Variants in PHKB observed in about 807,000 individuals in gnomAD.
PHKB encodes the protein phosphorylase kinase regulatory subunit beta.
Under a neutral mutation model 152.1 loss-of-function variants are expected in PHKB, and 122 were observed. The observed-to-expected ratio is 0.80, with a 90% CI of 0.69 to 0.93. PHKB has a LOEUF of 0.93. Ranked by LOEUF, PHKB falls within the 40% of genes least tolerant of loss-of-function variation. The pLI is 0.00. For synonymous variants in PHKB, 436 were observed against 464.9 expected, an observed-to-expected ratio of 0.94 and a Z score of 0.80; for missense variants, 1,304 against 1,328.4, an observed-to-expected ratio of 0.98 and a Z score of 0.29.
At position 47,689,167 on chromosome 16, in the gene PHKB, G is replaced by C. The variant is rs1313048258; in HGVS notation, c.2757G>C (p.Gln919His). Residue 919 changes from glutamine (Q) to histidine (H), a missense_variant, in exon 27 of 31, where the codon CAG (glutamine) becomes CAC (histidine). Transcript: ENST00000323584. ...TGCTGGATATTCTGCAGCCTCAACAGAATGGAAGGTAATAAGGGCCCCTTG... is the reference window on the plus strand; with the variant it reads ...TGCTGGATATTCTGCAGCCTCAACACAATGGAAGGTAATAAGGGCCCCTTG... ...QLLLDILQPQ[Q>H]NGRCWLNRRQ... The C allele has an allele frequency of 6.2e-7, 1 of 1,613,914 alleles. No individual in the cohort carries two copies. The highest frequency in any genetic ancestry group is 1.1e-5 in the South Asian group (1 of 91,056).
chr16:47,673,882 A>G (rs1021791715), intron 26 of PHKB, among the ~76,000 whole-genome samples: 2 of 152,194 alleles, frequency 1.3e-5, no homozygotes, highest in Non-Finnish European at 2.9e-5. Flanking sequence ...AGAAATTGAG[A>G]TTTGGAGAGT....
intron 6 of PHKB, among the ~76,000 whole-genome samples, chr16:47,517,477 G>C (rs773608624): frequency 9.9e-5 from 15 of 151,882 alleles, no homozygotes; most frequent in Non-Finnish European, 1.6e-4. Flanking sequence ...GGCTGTTCTC[G>C]ATCTCCTGGG....
intron 4 of PHKB, 135 bp from the exon 5 acceptor site, chr16:47,511,530 G>T: frequency 3.0e-6 from 2 of 677,464 alleles, no homozygotes; most frequent in Non-Finnish European, 5.3e-6. Context: ...TTGAGAAAAG[G>T]TAACGTTTCT....
In PHKB at chr16:47,616,516, A is replaced by C. The variant is rs535315916; in HGVS notation, c.1458+5596A>C. ...TTTTATATATTTATATGTAAATATAAATATATATTTATAATATATAAATAT... is the reference window on the plus strand; with the variant it reads ...TTTTATATATTTATATGTAAATATACATATATATTTATAATATATAAATAT... On this transcript the variant is annotated intron_variant, in intron 14 of 30. Coordinates refer to ENST00000323584, the MANE Select transcript of PHKB (RefSeq NM_000293.3). Among the ~76,000 whole-genome samples, 324 of 146,186 alleles carry C rather than the reference A, an allele frequency of 2.2e-3. 2 individuals carry two copies. The highest frequency in any genetic ancestry group is 4.1e-3 in the Non-Finnish European group (270 of 66,510).
In PHKB at chr16:47,582,281, A is replaced by G. The variant is rs149595460; in HGVS notation, c.774+1923A>G. 1.8e-3 allele frequency among the ~76,000 whole-genome samples: 272 copies of G among 152,270 alleles called. 1 individual carries two copies. Among genetic ancestry groups the G allele is most frequent in the Middle Eastern group, 6.8e-3 (2 of 294 alleles). ...ACCTGAGTCTTAGTGTATGTTGCTT[A>G]CATACCTGTATGCACCCCTTCCTAT... On this transcript the variant is annotated intron_variant, in intron 8 of 30. Coordinates refer to ENST00000323584, the MANE Select transcript of PHKB (RefSeq NM_000293.3).
intron 1 of PHKB, among the ~76,000 whole-genome samples, chr16:47,483,864 A>G (rs1027979060): frequency 6.6e-6 from 1 of 152,224 alleles, no homozygotes; most frequent in African/African-American, 2.4e-5. Flanking sequence ...TTTTGTTAGT[A>G]AATACTTATT....
chr16:47,547,303 C>CAAACT (rs1481749549), intron 6 of PHKB, 130 bp from the exon 7 acceptor site: 2 of 670,002 alleles, frequency 3.0e-6, no homozygotes, highest in Non-Finnish European at 5.4e-6. Flanking sequence ...ATGCTGGTCT[C>CAAACT]AAACTCCCAA....
Position 47,689,130 on chromosome 16 carries a change from T to G in PHKB, c.2720T>G (p.Val907Gly). The G allele has an allele frequency of 3.1e-6, 5 of 1,614,056 alleles. No individual in the cohort carries two copies. Among genetic ancestry groups the G allele is most frequent in the Non-Finnish European group, 4.2e-6 (5 of 1,179,952 alleles). Residue 907 changes from valine to glycine, a missense_variant, in exon 27 of 31, where the codon GTT (valine) becomes GGT (glycine). Val to Gly is a moderately radical substitution (Grantham distance 109, BLOSUM62 -3). Transcript: ENST00000323584. Reference sequence around the variant, plus strand: ...TTGTATCAGCTGTCACCTAGTGAAGTTAAACAGCTTCTGCTGGATATTCTG... The same window carrying G: ...TTGTATCAGCTGTCACCTAGTGAAGGTAAACAGCTTCTGCTGGATATTCTG... ...LDLYQLSPSEVKQLLLDILQP... is the reference protein window; with the variant it reads ...LDLYQLSPSEGKQLLLDILQP...
intron 6 of PHKB, among the ~76,000 whole-genome samples, chr16:47,516,094 A>AT (rs1430286876): frequency 3.3e-5 from 5 of 151,942 alleles, no homozygotes; most frequent in African/African-American, 9.7e-5. Context: ...CGCCTGGCTA[A>AT]TTTTTTGTAT....
At chr16:47,481,158 A>G (rs565048617) in intron 1 of PHKB, among the ~76,000 whole-genome samples, 1 of 152,064 alleles carries the variant, frequency 6.6e-6, no homozygotes, top group African/African-American at 2.4e-5. Context: ...AACTAGCTTT[A>G]GTTAGGCATG....
intron 14 of PHKB, among the ~76,000 whole-genome samples, chr16:47,630,188 A>G (rs1972801058): frequency 6.6e-6 from 1 of 152,136 alleles, no homozygotes; most frequent in Non-Finnish European, 1.5e-5. Context: ...AAAAAGAACT[A>G]AAGAATTATA....
intron 15 of PHKB, 102 bp downstream of exon 15, chr16:47,641,192 C>T: frequency 1.1e-6 from 1 of 872,072 alleles, no homozygotes; most frequent in Non-Finnish European, 1.9e-6. Flanking sequence ...AAGAGATTAA[C>T]TTCAGAAACT....
At chr16:47,606,556 T>C (rs577427098) in intron 13 of PHKB, among the ~76,000 whole-genome samples, 3 of 152,332 alleles carry the variant, frequency 2.0e-5, no homozygotes, top group Admixed American at 6.5e-5. Context: ...ATTTTTGTTT[T>C]TGTTTTTGTT....
chr16:47,543,266 GTTTT>G, intron 6 of PHKB, among the ~76,000 whole-genome samples: 2 of 152,130 alleles, frequency 1.3e-5, no homozygotes, highest in Non-Finnish European at 2.9e-5. Flanking sequence ...TAATGGTGTG[GTTTT>G]TGTCTTTGGT....
intron 6 of PHKB, among the ~76,000 whole-genome samples, chr16:47,541,268 T>C (rs1436315934): frequency 6.6e-6 from 1 of 152,146 alleles, no homozygotes; most frequent in Non-Finnish European, 1.5e-5. Context: ...GTCCTTGCAA[T>C]AGTTTGCTGA....
chr16:47,571,195 C>T (rs1188688843), intron 7 of PHKB, among the ~76,000 whole-genome samples: 2 of 152,108 alleles, frequency 1.3e-5, no homozygotes, highest in Non-Finnish European at 2.9e-5. Flanking sequence ...TCTTGTTCCC[C>T]AGTAGTGTGT....
At chr16:47,526,181 G>A (rs778888411) in intron 6 of PHKB, among the ~76,000 whole-genome samples, 21 of 152,080 alleles carry the variant, frequency 1.4e-4, no homozygotes, top group Non-Finnish European at 2.5e-4. Context: ...AGGCCAAGGC[G>A]GATGGATATC....
At chr16:47,660,915 G>A in intron 22 of PHKB, 96 bp downstream of exon 22, 1 of 1,254,962 alleles carries the variant, frequency 8.0e-7, no homozygotes, top group Non-Finnish European at 1.2e-6. Context: ...TGTCAGTGAA[G>A]GTAGCAATTA....
At chr16:47,569,167 C>T (rs1316933059) in intron 7 of PHKB, among the ~76,000 whole-genome samples, 2 of 152,168 alleles carry the variant, frequency 1.3e-5, no homozygotes, top group Non-Finnish European at 2.9e-5. Context: ...CTTCTTAGGT[C>T]TAGCAGAATT....
Sources: allele counts gnomAD v4.1 joint callset (sites outside exome capture counted in the v4.1 genomes callset), GRCh38; gene constraint gnomAD v4.1.1; transcripts MANE v1.5; gene names NCBI Gene and HGNC (gene_info 2026-07-23, HGNC 2026-07-21).